The following CD53 variants were observed in gnomAD, a reference collection of about 807,000 sequenced individuals.
CD53 encodes CD53 molecule, also known as leukocyte surface antigen CD53.
In CD53, 20 loss-of-function variants were observed where a neutral mutation model predicts 27.3. That is an observed-to-expected ratio of 0.73 (90% CI 0.52 to 1.07). The LOEUF (loss-of-function observed/expected upper bound fraction) is 1.07, where lower values mean the gene tolerates loss of function less well. CD53 is among the 50% of genes least tolerant of loss of function. CD53 has a pLI of 0.00. For synonymous variants in CD53, 106 were observed against 105.3 expected, an observed-to-expected ratio of 1.01 and a Z score of -0.04; for missense variants, 216 against 264.0, an observed-to-expected ratio of 0.82 and a Z score of 1.26.
In CD53 at chr1:110,892,492, T is replaced by C. The variant is rs1309764024; in HGVS notation, c.211T>C (p.Cys71Arg). Residue 71 changes from cysteine to arginine, a missense_variant, in exon 3 of 8, where the codon TGC (cysteine) becomes CGC (arginine). Cys to Arg is a radical substitution (Grantham distance 180, BLOSUM62 -3). Coordinates refer to ENST00000271324, the MANE Select transcript of CD53 (RefSeq NM_000560.4). ...TATCATGGTAGTTGCCTTCCTGGGC[T>C]GCATGGGCTCTATCAAGGAAAACAA... ...SIIMVVAFLGCMGSIKENKCL... is the reference protein window; with the variant it reads ...SIIMVVAFLGRMGSIKENKCL... 1 of 1,614,158 alleles carries C rather than the reference T, an allele frequency of 6.2e-7. No individual in the cohort carries two copies. The highest frequency in any genetic ancestry group is 8.5e-7 in the Non-Finnish European group (1 of 1,179,996).
At chr1:110,890,685 A>C (rs573131738) in intron 1 of CD53, among the ~76,000 whole-genome samples, 1 of 152,246 alleles carries the variant, frequency 6.6e-6, no homozygotes, top group African/African-American at 2.4e-5. Flanking sequence ...TGATGTCCTC[A>C]CTAAGAAAAT....
rs527932790 is a variant in CD53 at position 110,886,110 on chromosome 1, G to T, written c.-17-5282G>T. Reference sequence around the variant, plus strand: ...AGTCCTTTTTTTAAGTTATTAAAATGTATTTTTATTGGGTATAGATTTTTA... The same window carrying T: ...AGTCCTTTTTTTAAGTTATTAAAATTTATTTTTATTGGGTATAGATTTTTA... On this transcript the variant is annotated intron_variant, in intron 1 of 7. Transcript: ENST00000271324. 5.3e-5 allele frequency among the ~76,000 whole-genome samples: 8 copies of T among 152,072 alleles called. 1 individual carries two copies. In the South Asian group the frequency reaches 1.7e-3, roughly 32 times the overall value.
At chr1:110,871,484 T>C (rs969914887), upstream of CD53, among the ~76,000 whole-genome samples, 2 of 151,528 alleles carry the variant, frequency 1.3e-5, no homozygotes, top group Non-Finnish European at 2.9e-5. Flanking sequence ...CAGGCTTGAG[T>C]GTGGGGATGC....
chr1:110,892,587 C>T, intron 3 of CD53, 54 bp downstream of exon 3: 1 of 1,392,754 alleles, frequency 7.2e-7, no homozygotes, highest in African/African-American at 1.4e-5. Context: ...GTGCCTAAAT[C>T]CCAGGCAAGA....
chr1:110,873,609 G>A (rs1570891967), intron 1 of CD53, among the ~76,000 whole-genome samples: 1 of 152,240 alleles, frequency 6.6e-6, no homozygotes, highest in African/African-American at 2.4e-5. Context: ...CAGAAAATTG[G>A]TCTTGTGATT....
intron 7 of CD53, among the ~76,000 whole-genome samples, chr1:110,898,466 A>G (rs1657163277): frequency 6.6e-6 from 1 of 152,028 alleles, no homozygotes; most frequent in Admixed American, 6.5e-5. Flanking sequence ...CAAACAAAAA[A>G]GCCACCAAGC....
Position 110,897,819 on chromosome 1 carries a change from C to A in CD53, c.515C>A (p.Ala172Glu). 1 of 1,605,374 alleles carries A rather than the reference C, an allele frequency of 6.2e-7. No homozygotes were observed. The highest frequency in any genetic ancestry group is 8.5e-7 in the Non-Finnish European group (1 of 1,172,670). ...TGAAATGTCTTCTAGGGTTGCTATG[C>A]GAAAGCAAGACTGTGGTTTCATTCC... ...PSDRKVEGCY[A>E]KARLWFHSNF... Residue 172 changes from alanine to glutamate, a missense_variant, in exon 7 of 8, where the codon GCG becomes GAG. Ala to Glu is a moderately radical substitution (Grantham distance 107). Coordinates refer to ENST00000271324, the MANE Select transcript of CD53 (RefSeq NM_000560.4).
intron 4 of CD53, 89 bp downstream of exon 4, chr1:110,894,490 T>C: frequency 2.0e-6 from 2 of 998,784 alleles, no homozygotes; most frequent in Non-Finnish European, 1.6e-6. Context: ...CAGAATAAGT[T>C]CTATAATAGA....
intron 2 of CD53, 71 bp downstream of exon 2, chr1:110,891,542 A>T: frequency 9.2e-6 from 11 of 1,195,830 alleles, no homozygotes; most frequent in Non-Finnish European, 1.4e-5. Flanking sequence ...TCCTCTACTG[A>T]AGAGGCTGGT....
At chr1:110,888,302 T>C (rs1430153274) in intron 1 of CD53, among the ~76,000 whole-genome samples, 1 of 152,232 alleles carries the variant, frequency 6.6e-6, no homozygotes, top group African/African-American at 2.4e-5. Context: ...GGGTTTGCTC[T>C]CTGTGCACCT....
chr1:110,874,781 C>A (rs1043118048), intron 1 of CD53, among the ~76,000 whole-genome samples: 1 of 152,204 alleles, frequency 6.6e-6, no homozygotes, highest in African/African-American at 2.4e-5. Flanking sequence ...TGTTCACTGA[C>A]AAGAGGCACA....
chr1:110,887,820 G>C (rs965358560), intron 1 of CD53, among the ~76,000 whole-genome samples: 1 of 152,194 alleles, frequency 6.6e-6, no homozygotes, highest in African/African-American at 2.4e-5. Context: ...TGCTAATCAG[G>C]ACTCAGCTAA....
intron 1 of CD53, among the ~76,000 whole-genome samples, chr1:110,888,482 T>C (rs1391386242): frequency 3.9e-5 from 6 of 152,222 alleles, no homozygotes; most frequent in African/African-American, 1.4e-4. Flanking sequence ...CATGGGTCCG[T>C]GCCCTTCATT....
intron 3 of CD53, chr1:110,892,802 A>G: frequency 2.8e-6 from 1 of 352,618 alleles, no homozygotes; most frequent in Non-Finnish European, 5.1e-6. Flanking sequence ...ATTCCCCTTT[A>G]TAGCATTTTA....
At chr1:110,896,139 C>T (rs1016776036) in intron 5 of CD53, among the ~76,000 whole-genome samples, 1 of 152,130 alleles carries the variant, frequency 6.6e-6, no homozygotes, top group East Asian at 1.9e-4. Flanking sequence ...GCTATTTGTC[C>T]TTTAGACTTC....
chr1:110,878,505 G>A (rs1656214966), intron 1 of CD53, among the ~76,000 whole-genome samples: 1 of 152,086 alleles, frequency 6.6e-6, no homozygotes, highest in South Asian at 2.1e-4. Flanking sequence ...TGGGAGGTGG[G>A]ATTTCAGAAG....
intron 1 of CD53, among the ~76,000 whole-genome samples, chr1:110,881,603 A>C (rs1656356289): frequency 6.6e-6 from 1 of 152,200 alleles, no homozygotes; most frequent in African/African-American, 2.4e-5. Context: ...ATATGCTTTC[A>C]TTTCTCTTGG....
rs748498237 is a variant in CD53 at position 110,892,446 on chromosome 1, G to A, written c.165G>A (p.Val55=). The A allele has an allele frequency of 5.0e-6, 8 of 1,614,030 alleles. No homozygotes were observed. Among genetic ancestry groups the A allele is most frequent in the Non-Finnish European group, 6.8e-6 (8 of 1,179,940 alleles). The change falls in exon 3 of 8, where the codon GTG becomes GTA. Residue 55 remains valine (V), a synonymous_variant. Transcript: ENST00000271324. ...TCCCCTCCCTCACGCTGGGCAATGTGTTTGTCATCGTGGGCTCTATTATCA... is the reference window on the plus strand; with the variant it reads ...TCCCCTCCCTCACGCTGGGCAATGTATTTGTCATCGTGGGCTCTATTATCA... ...HNLPSLTLGN[V]FVIVGSIIMV... is the part of the protein sequence containing the mutation.
intron 6 of CD53, 143 bp downstream of exon 6, chr1:110,896,876 G>A (rs1657085770): frequency 3.0e-6 from 2 of 661,018 alleles, no homozygotes; most frequent in Non-Finnish European, 2.6e-6. Flanking sequence ...CAACAACCTT[G>A]GGTAATTAGA....
Sources: allele counts gnomAD v4.1 joint callset (sites outside exome capture counted in the v4.1 genomes callset), GRCh38; gene constraint gnomAD v4.1.1; transcripts MANE v1.5; gene names NCBI Gene and HGNC (gene_info 2026-07-23, HGNC 2026-07-21).